Variants in ARPP21 observed in about 807,000 individuals in gnomAD.
The protein encoded by ARPP21 is cAMP regulated phosphoprotein 21.
Under a neutral mutation model 113.2 loss-of-function variants are expected in ARPP21, and 69 were observed. That is an observed-to-expected ratio of 0.61 (90% confidence interval 0.50 to 0.74). ARPP21 has a LOEUF of 0.74. ARPP21 is among the 30% of genes least tolerant of loss of function. ARPP21 has a pLI of 0.00. For missense variants in ARPP21, 1,070 were observed against 1,037.4 expected, an observed-to-expected ratio of 1.03 and a Z score of -0.43; for synonymous variants, 368 against 375.5, an observed-to-expected ratio of 0.98 and a Z score of 0.23.
intron 10 of ARPP21, chr3:35,707,554 G>A: frequency 2.2e-6 from 1 of 457,246 alleles, no homozygotes. Context: ...GAGGACAGGT[G>A]GATTTTGCAA....
At chr3:35,656,040 A>G (rs1704709961) in intron 1 of ARPP21, among the ~76,000 whole-genome samples, 1 of 152,146 alleles carries the variant, frequency 6.6e-6, no homozygotes, top group Non-Finnish European at 1.5e-5. Flanking sequence ...GGAATATTAT[A>G]AAATTTCAAA....
At chr3:35,760,559 G>A (rs1473630086) in intron 19 of ARPP21, among the ~76,000 whole-genome samples, 1 of 151,966 alleles carries the variant, frequency 6.6e-6, no homozygotes, top group Non-Finnish European at 1.5e-5. Flanking sequence ...AAAATCCGCT[G>A]GGAGTTTGAT....
In ARPP21 at chr3:35,789,821, T is replaced by C. The variant is rs549751956; in HGVS notation, c.2138-2561T>C. On this transcript the variant is annotated intron_variant, in intron 19 of 20. Coordinates refer to ENST00000684406, the MANE Select transcript of ARPP21 (RefSeq NM_001385562.1). ...TTTAATATTAAGGATTGCTTCTTCT[T>C]CCAACCAAGACATTCTGCTTTCTGA... is the stretch of plus-strand genomic sequence containing the variant. 5.3e-5 allele frequency among the ~76,000 whole-genome samples: 8 copies of C among 152,302 alleles called. No homozygotes were observed. In the South Asian group the frequency reaches 1.7e-3, roughly 32 times the overall value.
At chr3:35,768,079 CGTGTGTGT>C (rs5847897) in intron 19 of ARPP21, among the ~76,000 whole-genome samples, 10,275 of 111,546 alleles carry the variant, frequency 0.092, 474 homozygotes, top group South Asian at 0.13. Flanking sequence ...CATGCTTTTC[CGTGTGTGT>C]GTGTGTGTGT....
At chr3:35,786,401 T>G (rs567381016) in intron 19 of ARPP21, among the ~76,000 whole-genome samples, 51 of 151,864 alleles carry the variant, frequency 3.4e-4, no homozygotes, top group African/African-American at 1.2e-3. Context: ...GCGTGCCTGT[T>G]TTCCCAGCTA....
rs769508725 is a variant in ARPP21 at position 35,743,873 on chromosome 3, C to G, written c.2045C>G (p.Pro682Arg). ...PVYYYPSGQY[P>R]TSTTQQYRPM... is the part of the protein sequence containing the mutation. ...TATTATTACCCATCTGGTCAGTACCCTACCTCAACCACGCAACAGTACCGG... is the reference window on the plus strand; with the variant it reads ...TATTATTACCCATCTGGTCAGTACCGTACCTCAACCACGCAACAGTACCGG... Residue 682 changes from proline (P) to arginine (R), a missense_variant, in exon 19 of 21, where the codon CCT becomes CGT. Coordinates refer to ENST00000684406, the MANE Select transcript of ARPP21 (RefSeq NM_001385562.1). 3.1e-6 allele frequency: 5 copies of G among 1,614,132 alleles called. No homozygotes were observed. Among genetic ancestry groups the G allele is most frequent in the Non-Finnish European group, 4.2e-6 (5 of 1,179,948 alleles).
chr3:35,694,695 C>G (rs1397156961), intron 9 of ARPP21, among the ~76,000 whole-genome samples: 3 of 150,704 alleles, frequency 2.0e-5, no homozygotes, highest in Non-Finnish European at 3.0e-5. Context: ...AAGAAGAGTC[C>G]CTGGATTGGC....
intron 9 of ARPP21, among the ~76,000 whole-genome samples, chr3:35,692,998 A>G (rs898977716): frequency 6.6e-6 from 1 of 151,772 alleles, no homozygotes; most frequent in Non-Finnish European, 1.5e-5. Context: ...TTTTCTGGCT[A>G]GTAGGTATCA....
At chr3:35,739,881 C>T (rs891088066) in intron 18 of ARPP21, among the ~76,000 whole-genome samples, 1 of 152,166 alleles carries the variant, frequency 6.6e-6, no homozygotes, top group African/African-American at 2.4e-5. Flanking sequence ...ATATCCAGCT[C>T]AGGGGATTGC....
At position 35,743,902 on chromosome 3, in the gene ARPP21, A is replaced by G. The variant is rs2150882564; in HGVS notation, c.2074A>G (p.Met692Val). 1.1e-5 allele frequency: 17 copies of G among 1,613,720 alleles called. No individual in the cohort carries two copies. Among genetic ancestry groups the G allele is most frequent in the Non-Finnish European group, 1.4e-5 (17 of 1,179,572 alleles). ...PTSTTQQYRPMAPVQYNAQRS... is the reference protein window; with the variant it reads ...PTSTTQQYRPVAPVQYNAQRS... Reference sequence around the variant, plus strand: ...CTCAACCACGCAACAGTACCGGCCCATGGCCCCGGTTCAGTACAACGCTCA... The same window carrying G: ...CTCAACCACGCAACAGTACCGGCCCGTGGCCCCGGTTCAGTACAACGCTCA... Residue 692 changes from methionine (M) to valine (V), a missense_variant, in exon 19 of 21, where the codon ATG becomes GTG. Met to Val is a conservative substitution (Grantham distance 21, BLOSUM62 1). Transcript: ENST00000684406.
At chr3:35,646,464 G>C (rs1460632839) in intron 1 of ARPP21, among the ~76,000 whole-genome samples, 2 of 152,190 alleles carry the variant, frequency 1.3e-5, no homozygotes, top group East Asian at 1.9e-4. Context: ...GATTTGATGT[G>C]AGTATGTGAC....
At chr3:35,717,997 T>C (rs764480392) in intron 13 of ARPP21, among the ~76,000 whole-genome samples, 1 of 152,146 alleles carries the variant, frequency 6.6e-6, no homozygotes, top group Non-Finnish European at 1.5e-5. Flanking sequence ...TAGAGAAAAG[T>C]GTACACAGTA....
At chr3:35,709,866 A>G (rs2090485860) in intron 11 of ARPP21, among the ~76,000 whole-genome samples, 1 of 152,300 alleles carries the variant, frequency 6.6e-6, no homozygotes. Flanking sequence ...CGTGGCCAAC[A>G]TGGCAAGCTT....
In ARPP21 at chr3:35,668,026, GAAGAA is replaced by G. The variant is rs1559550772; in HGVS notation, c.-212-11760_-212-11756del. On this transcript the variant is annotated intron_variant, in intron 1 of 20. Coordinates refer to ENST00000684406, the MANE Select transcript of ARPP21 (RefSeq NM_001385562.1). ...AGAAGAAGAAGAAGAAGAAGAAGAA[GAAGAA>G]GGAGAAGAAGAAGAAAGAAGAAAGT... Among the ~76,000 whole-genome samples, 203 of 144,022 alleles carry G rather than the reference GAAGAA, an allele frequency of 1.4e-3. 1 individual carries two copies. The highest frequency in any genetic ancestry group is 2.2e-3 in the Non-Finnish European group (142 of 64,948). The allele number at this position is 144,022 out of a possible 152,430, so 94.5% of individuals were successfully genotyped here.
intron 13 of ARPP21, among the ~76,000 whole-genome samples, chr3:35,719,216 A>C (rs766549071): frequency 2.6e-5 from 4 of 151,896 alleles, no homozygotes; most frequent in African/African-American, 9.7e-5. Context: ...GCACTTCAAC[A>C]CTGTTAAGAT....
intron 17 of ARPP21, among the ~76,000 whole-genome samples, chr3:35,738,695 G>A (rs1427788675): frequency 3.3e-5 from 5 of 152,198 alleles, no homozygotes; most frequent in Non-Finnish European, 7.3e-5. Context: ...TGCTCCTGAT[G>A]TAGGTGCCCC....
At chr3:35,648,441 A>G (rs1701099793) in intron 1 of ARPP21, among the ~76,000 whole-genome samples, 1 of 152,162 alleles carries the variant, frequency 6.6e-6, no homozygotes, top group African/African-American at 2.4e-5. Context: ...TTGAGGTGAC[A>G]TGAGAGAAAC....
chr3:35,649,066 T>C (rs1403883600), intron 1 of ARPP21, among the ~76,000 whole-genome samples: 3 of 152,208 alleles, frequency 2.0e-5, no homozygotes, highest in Non-Finnish European at 2.9e-5. Context: ...CAGTCCATTT[T>C]TCATTGTCCT....
At chr3:35,771,522 T>G (rs2151520118) in intron 19 of ARPP21, among the ~76,000 whole-genome samples, 1 of 152,170 alleles carries the variant, frequency 6.6e-6, no homozygotes, top group Non-Finnish European at 1.5e-5. Context: ...AATGACGGGG[T>G]TTCACCATGT....
Sources: gnomAD v4.1 joint callset for allele counts (sites outside exome capture counted in the v4.1 genomes callset) on GRCh38, gnomAD v4.1.1 for gene constraint, MANE v1.5 for transcripts, NCBI Gene and HGNC (gene_info 2026-07-23, HGNC 2026-07-21) for gene names.